The following SLC8A1 variants were observed in gnomAD, a reference collection of about 807,000 sequenced individuals.
The protein encoded by SLC8A1 is solute carrier family 8 member A1.
A neutral mutation model predicts 68.3 loss-of-function variants in SLC8A1; 18 were observed. That is an observed-to-expected ratio of 0.26 (90% CI 0.18 to 0.39). SLC8A1 has a LOEUF of 0.39. SLC8A1 is among the 10% of genes least tolerant of loss of function. SLC8A1 has a pLI of 1.00. For synonymous variants in SLC8A1, 475 were observed against 415.5 expected, an observed-to-expected ratio of 1.14 and a Z score of -1.74; for missense variants, 985 against 1,156.7, an observed-to-expected ratio of 0.85 and a Z score of 2.15.
intron 2 of SLC8A1, among the ~76,000 whole-genome samples, chr2:40,372,248 G>A (rs373276973): frequency 6.6e-6 from 1 of 151,992 alleles, no homozygotes; most frequent in Non-Finnish European, 1.5e-5. Context: ...ATCCTAAGGG[G>A]AAGAAAAAGA....
At chr2:40,309,231 T>C (rs753887281) in intron 2 of SLC8A1, among the ~76,000 whole-genome samples, 1 of 152,190 alleles carries the variant, frequency 6.6e-6, no homozygotes, top group Admixed American at 6.5e-5. Flanking sequence ...GTATTTCTAA[T>C]ATTTTAGGCA....
intron 1 of SLC8A1, among the ~76,000 whole-genome samples, chr2:40,480,788 A>G (rs1208777530): frequency 1.3e-5 from 2 of 152,218 alleles, no homozygotes; most frequent in South Asian, 2.1e-4. Context: ...TGAGCTCACT[A>G]ATCTGCTACA....
intron 2 of SLC8A1, among the ~76,000 whole-genome samples, chr2:40,276,728 T>A (rs560954304): frequency 1.8e-4 from 28 of 152,360 alleles, no homozygotes; most frequent in Middle Eastern, 3.4e-3. Flanking sequence ...TCAAAATACA[T>A]TTTTAAAGAG....
chr2:40,322,853 A>C (rs2075370348), intron 2 of SLC8A1, among the ~76,000 whole-genome samples: 2 of 150,066 alleles, frequency 1.3e-5, no homozygotes, highest in African/African-American at 2.5e-5. Flanking sequence ...CACACACACC[A>C]CACACACCCC....
chr2:40,474,267 A>G (rs1704152846), intron 1 of SLC8A1, among the ~76,000 whole-genome samples: 1 of 152,176 alleles, frequency 6.6e-6, no homozygotes, highest in Non-Finnish European at 1.5e-5. Flanking sequence ...GTGAATACTA[A>G]TTTTCATAAG....
At chr2:40,466,721 C>T (rs1559751008) in intron 1 of SLC8A1, among the ~76,000 whole-genome samples, 2 of 152,106 alleles carry the variant, frequency 1.3e-5, no homozygotes, top group Admixed American at 1.3e-4. Flanking sequence ...ATTATAATAC[C>T]TAATAATTCA....
intron 1 of SLC8A1, among the ~76,000 whole-genome samples, chr2:40,450,146 C>T (rs865870376): frequency 6.6e-5 from 10 of 152,136 alleles, no homozygotes; most frequent in Non-Finnish European, 1.2e-4. Context: ...CTTTCACACC[C>T]GCCTAACCTC....
At chr2:40,367,025 G>A (rs1676432601) in intron 2 of SLC8A1, among the ~76,000 whole-genome samples, 1 of 151,752 alleles carries the variant, frequency 6.6e-6, no homozygotes, top group Non-Finnish European at 1.5e-5. Flanking sequence ...AAGTTTTGAG[G>A]GTGTGGTTGT....
chr2:40,510,632 C>G (rs1706660457), intron 1 of SLC8A1, among the ~76,000 whole-genome samples: 1 of 152,100 alleles, frequency 6.6e-6, no homozygotes, highest in Admixed American at 6.6e-5. Context: ...AGGCCTGTTC[C>G]ACTTTAGCAA....
chr2:40,290,899 T>C (rs987904426), intron 2 of SLC8A1, among the ~76,000 whole-genome samples: 3 of 152,196 alleles, frequency 2.0e-5, no homozygotes, highest in Non-Finnish European at 4.4e-5. Flanking sequence ...TCAAGCAAAT[T>C]GGTTAAACTC....
chr2:40,228,818 G>A (rs1046147361), intron 2 of SLC8A1, among the ~76,000 whole-genome samples: 1 of 152,112 alleles, frequency 6.6e-6, no homozygotes, highest in Admixed American at 6.6e-5. Flanking sequence ...AGGTGTCAGG[G>A]GTGGAGGAGG....
chr2:40,221,634 C>A lies in SLC8A1; in HGVS notation c.1809-43779G>T, dbSNP rs192870716. On this transcript the variant is annotated intron_variant, in intron 2 of 7. Coordinates refer to ENST00000406785, the Ensembl canonical transcript of SLC8A1. Reference sequence around the variant, plus strand: ...ACATGATTGTATATTTAGAAAACCCCAACGTTTCATCTCCTTAAGCTGATA... The same window carrying A: ...ACATGATTGTATATTTAGAAAACCCAAACGTTTCATCTCCTTAAGCTGATA... 8.9e-3 allele frequency among the ~76,000 whole-genome samples: 1,351 copies of A among 152,206 alleles called. 7 individuals carry two copies. Among genetic ancestry groups the A allele is most frequent in the South Asian group, 0.014 (66 of 4,810 alleles).
intron 1 of SLC8A1, among the ~76,000 whole-genome samples, chr2:40,509,817 T>C (rs911291315): frequency 8.2e-6 from 1 of 121,504 alleles, no homozygotes; most frequent in African/African-American, 3.3e-5. Context: ...CAGCCTTTTT[T>C]TTGTTTTTTT....
chr2:40,493,439 A>G (rs1705463845), intron 1 of SLC8A1, among the ~76,000 whole-genome samples: 1 of 151,882 alleles, frequency 6.6e-6, no homozygotes, highest in African/African-American at 2.4e-5. Flanking sequence ...TGGCACACTT[A>G]TACATATGTA....
At chr2:40,415,857 TATACACACACACACACACACACACAC>T (rs1693667952) in intron 2 of SLC8A1, among the ~76,000 whole-genome samples, 3 of 101,748 alleles carry the variant, frequency 2.9e-5, no homozygotes, top group Non-Finnish European at 5.6e-5. Flanking sequence ...CTACTAAAAG[TATACACACACACACACACACACACAC>T]ACACACACAC....
intron 2 of SLC8A1, among the ~76,000 whole-genome samples, chr2:40,278,782 A>T (rs1054316855): frequency 2.1e-5 from 3 of 145,534 alleles, no homozygotes; most frequent in Non-Finnish European, 4.6e-5. Flanking sequence ...TAATGCCACA[A>T]TGAAAAAAAC....
rs1282972160 is a variant in SLC8A1, at chr2:40,190,558, C to CAGAA, written c.1809-12707_1809-12704dup. On this transcript the variant is annotated intron_variant, in intron 2 of 7. Transcript: ENST00000406785. ...ATTAAGTAAAAACCGATGCTGATAA[C>CAGAA]AGAAAGAAATGCATGATTTTCTTTG... is the stretch of plus-strand genomic sequence containing the variant. 1.1e-4 allele frequency: 17 copies of CAGAA among 152,260 alleles called. No individual in the cohort carries two copies. In the South Asian group the frequency reaches 1.9e-3, roughly 17 times the overall value. 9.4% of individuals were successfully genotyped at this position (152,260 alleles called of 1,614,324 possible). A position where few individuals can be genotyped will look rare whatever the true frequency, so the allele number is the denominator to read the frequency against.
At chr2:40,315,041 G>A (rs975353428) in intron 2 of SLC8A1, among the ~76,000 whole-genome samples, 2 of 151,970 alleles carry the variant, frequency 1.3e-5, no homozygotes, top group African/African-American at 4.8e-5. Context: ...AAAGTGGTGA[G>A]AGCCAAGACA....
At chr2:40,372,425 C>A (rs1307318777) in intron 2 of SLC8A1, among the ~76,000 whole-genome samples, 3 of 152,102 alleles carry the variant, frequency 2.0e-5, no homozygotes, top group African/African-American at 7.2e-5. Context: ...GTGGAAGCCA[C>A]AAACTCCTCT....
Sources: gnomAD v4.1 joint callset for allele counts (sites outside exome capture counted in the v4.1 genomes callset) on GRCh38, gnomAD v4.1.1 for gene constraint, MANE v1.5 for transcripts, NCBI Gene and HGNC (gene_info 2026-07-23, HGNC 2026-07-21) for gene names.